Variants in GPATCH8 observed in about 807,000 individuals in gnomAD.
The protein encoded by GPATCH8 is G patch domain-containing protein 8.
A neutral mutation model predicts 118.3 loss-of-function variants in GPATCH8; 18 were observed. The ratio of observed to expected loss-of-function variants is 0.15; its 90% CI spans 0.11 to 0.23. The LOEUF (loss-of-function observed/expected upper bound fraction) is 0.23, where lower values mean the gene tolerates loss of function less well. Among genes scored for constraint, GPATCH8 ranks in the 10% least tolerant of loss-of-function variants. The pLI, the probability that GPATCH8 is intolerant of heterozygous loss-of-function variation, is 1.00. For missense variants in GPATCH8, 1,631 were observed against 1,873.8 expected (o/e 0.87, Z 2.39); for synonymous variants, 659 against 684.7 (o/e 0.96, Z 0.59).
At chr17:44,490,906 A>C (rs887566183) in intron 1 of GPATCH8, among the ~76,000 whole-genome samples, 4 of 152,226 alleles carry the variant, frequency 2.6e-5, no homozygotes, top group African/African-American at 7.2e-5. Flanking sequence ...TGTGGTGATC[A>C]TTTAAGTATC....
At chr17:44,497,862 C>T (rs984532910) in intron 1 of GPATCH8, among the ~76,000 whole-genome samples, 1 of 151,890 alleles carries the variant, frequency 6.6e-6, no homozygotes, top group African/African-American at 2.4e-5. Context: ...ATTGCTTGAG[C>T]CCAGGAGGTG....
chr17:44,417,165 T>C (rs2049717168), intron 6 of GPATCH8, among the ~76,000 whole-genome samples: 1 of 152,158 alleles, frequency 6.6e-6, no homozygotes, highest in Admixed American at 6.5e-5. Context: ...TAAATTTCTG[T>C]TCCTTGGTAA....
chr17:44,473,125 C>A (rs889305179), intron 2 of GPATCH8, among the ~76,000 whole-genome samples: 1 of 151,346 alleles, frequency 6.6e-6, no homozygotes, highest in Non-Finnish European at 1.5e-5. Context: ...GAACAAGGCA[C>A]AAACCAGTGA....
chr17:44,422,494 A>AT (rs989600716), intron 6 of GPATCH8, among the ~76,000 whole-genome samples: 1,890 of 141,292 alleles, frequency 0.013, 32 homozygotes, highest in Middle Eastern at 0.039. Flanking sequence ...CTAGCCTAAA[A>AT]TTTTTTTTTT....
In GPATCH8 at chr17:44,398,398, G is replaced by C. The variant is rs1567922470; in HGVS notation, c.3679C>G (p.Pro1227Ala). The C allele has an allele frequency of 6.2e-7, 1 of 1,614,006 alleles. No individual in the cohort carries two copies. Among genetic ancestry groups the C allele is most frequent in the Middle Eastern group, 1.6e-4 (1 of 6,062 alleles). The change falls in exon 8 of 8, where the codon CCA becomes GCA. Residue 1227 changes from proline to alanine, a missense_variant. Pro to Ala is a conservative substitution (Grantham distance 27, BLOSUM62 -1). Coordinates refer to ENST00000591680, the MANE Select transcript of GPATCH8 (RefSeq NM_001002909.4). ...ADHPVAPLGT[P>A]AHSDCYPGDP... ...CCAGGGTAGCAGTCAGAATGTGCTG[G>C]GGTGCCTAGTGGAGCCACAGGGTGA... is the stretch of plus-strand genomic sequence containing the variant.
Position 44,453,530 on chromosome 17 carries a change from T to TGTGTGTGTGTGTGTGTGTGTGTGCGC in GPATCH8, c.193+10941_193+10942insGCGCACACACACACACACACACACAC, listed in dbSNP as rs1052518435. ...GTGTGTGTGTGTGTGTGTGTGTGTG[T>TGTGTGTGTGTGTGTGTGTGTGTGCGC]GCAGGCGCGCGTTTTGAGACATGCT... On this transcript the variant is annotated intron_variant, in intron 3 of 7. Coordinates refer to ENST00000591680, the MANE Select transcript of GPATCH8 (RefSeq NM_001002909.4). Among the ~76,000 whole-genome samples the TGTGTGTGTGTGTGTGTGTGTGTGCGC allele has an allele frequency of 8.6e-5, 13 of 150,452 alleles. 1 individual carries two copies. Among genetic ancestry groups the TGTGTGTGTGTGTGTGTGTGTGTGCGC allele is most frequent in the African/African-American group, 2.7e-4 (11 of 40,676 alleles).
chr17:44,398,768 C>T lies in GPATCH8; in HGVS notation c.3309G>A (p.Glu1103=), dbSNP rs2048881795. Residue 1103 remains glutamate, a synonymous_variant, in exon 8 of 8, where the codon GAG becomes GAA. Transcript: ENST00000591680. Reference sequence around the variant, plus strand: ...CCTCCTCACTCACACTAGGTTTCCTCTCCACTTTCCTTGACTGGATCTTCT... The same window carrying T: ...CCTCCTCACTCACACTAGGTTTCCTTTCCACTTTCCTTGACTGGATCTTCT... ...LLEKIQSRKV[E]RKPSVSEEVQ... is the part of the protein sequence containing the mutation. 1 of 1,613,870 alleles carries T rather than the reference C, an allele frequency of 6.2e-7. No homozygotes were observed. The highest frequency in any genetic ancestry group is 8.5e-7 in the Non-Finnish European group (1 of 1,179,786).
intron 6 of GPATCH8, among the ~76,000 whole-genome samples, chr17:44,414,105 GTATATA>G (rs1272238317): frequency 9.9e-6 from 1 of 100,836 alleles, no homozygotes; most frequent in Admixed American, 1.2e-4. Flanking sequence ...ATATATGTGT[GTATATA>G]TATATGTATA....
chr17:44,497,881 A>AT (rs1467862283), intron 1 of GPATCH8, among the ~76,000 whole-genome samples: 1 of 152,066 alleles, frequency 6.6e-6, no homozygotes, highest in Non-Finnish European at 1.5e-5. Flanking sequence ...TGGAGACTGC[A>AT]TGAGCCAAGA....
At chr17:44,437,601 T>C (rs1352383849) in intron 3 of GPATCH8, among the ~76,000 whole-genome samples, 1 of 152,044 alleles carries the variant, frequency 6.6e-6, no homozygotes, top group African/African-American at 2.4e-5. Context: ...TATTATACCT[T>C]TGGGCTAAAA....
intron 6 of GPATCH8, among the ~76,000 whole-genome samples, chr17:44,417,489 G>A (rs1297546047): frequency 6.6e-6 from 1 of 152,162 alleles, no homozygotes. Context: ...AAAGTGCTGG[G>A]ATTACAGGTA....
At chr17:44,444,650 G>A (rs2050811711) in intron 3 of GPATCH8, among the ~76,000 whole-genome samples, 1 of 152,082 alleles carries the variant, frequency 6.6e-6, no homozygotes, top group Non-Finnish European at 1.5e-5. Flanking sequence ...GCATGTTCCT[G>A]TAATCCCAGC....
chr17:44,467,174 GTTTT>G, intron 2 of GPATCH8: 1 of 521,752 alleles, frequency 1.9e-6, no homozygotes, highest in South Asian at 2.1e-5. Flanking sequence ...ACTAATGGTC[GTTTT>G]TTTTTTTGTC....
chr17:44,490,562 T>C (rs1421041945), intron 1 of GPATCH8, among the ~76,000 whole-genome samples: 2 of 152,068 alleles, frequency 1.3e-5, no homozygotes. Flanking sequence ...TTCTGAATAC[T>C]ATATGCTTTC....
Position 44,397,775 on chromosome 17 carries a change from G to A in GPATCH8, c.4302C>T (p.Leu1434=), listed in dbSNP as rs767299095. The A allele has an allele frequency of 5.1e-5, 80 of 1,583,024 alleles. No homozygotes were observed. The highest frequency in any genetic ancestry group is 5.0e-4 in the Middle Eastern group (3 of 5,942). The change falls in exon 8 of 8, where the codon CTC becomes CTT. Residue 1434 remains leucine, a synonymous_variant. Coordinates refer to ENST00000591680, the MANE Select transcript of GPATCH8 (RefSeq NM_001002909.4). ...GAATGATGTGGATGGGATGGCTAGC[G>A]AGAAAGGTGGCAGGGTGGCCAGGGA... The part of the protein sequence containing the change: ...SIIPGHPATF[L]ASHPIHIIPA...
chr17:44,489,620 G>A (rs1454371320), intron 1 of GPATCH8, among the ~76,000 whole-genome samples: 3 of 152,134 alleles, frequency 2.0e-5, no homozygotes, highest in Admixed American at 6.5e-5. Flanking sequence ...GATTACAGGC[G>A]TGAGCCACCG....
At chr17:44,434,319 G>A (rs1412988289) in intron 5 of GPATCH8, among the ~76,000 whole-genome samples, 2 of 151,972 alleles carry the variant, frequency 1.3e-5, no homozygotes, top group African/African-American at 4.8e-5. Context: ...GAAAGAAAAA[G>A]GGGCAGGAAA....
chr17:44,395,786 A>G lies in GPATCH8; in HGVS notation c.*1782T>C, dbSNP rs1310136704. On this transcript the variant is annotated 3_prime_UTR_variant, in exon 8 of 8. Transcript: ENST00000591680. ...TATGGTTTTTCTTGTCAAGTGACCA[A>G]CCAACCAATTCTAGCCACACGAATA... 4 of 454,134 alleles carry G rather than the reference A, an allele frequency of 8.8e-6. 1 individual carries two copies. Among genetic ancestry groups the G allele is most frequent in the South Asian group, 6.2e-5 (4 of 64,474 alleles). The allele number at this position is 454,134 out of a possible 1,614,324, so 28.1% of individuals were successfully genotyped here.
intron 6 of GPATCH8, among the ~76,000 whole-genome samples, chr17:44,411,883 A>C (rs1223952582): frequency 6.6e-6 from 1 of 152,188 alleles, no homozygotes; most frequent in Non-Finnish European, 1.5e-5. Context: ...GCTTGAGGAC[A>C]GGAGTCCAAG....
Sources: allele counts gnomAD v4.1 joint callset (sites outside exome capture counted in the v4.1 genomes callset), GRCh38; gene constraint gnomAD v4.1.1; transcripts MANE v1.5; gene names NCBI Gene and HGNC (gene_info 2026-07-23, HGNC 2026-07-21).